Variants in CDC42BPA observed in about 807,000 individuals in gnomAD.
CDC42BPA encodes the protein serine/threonine-protein kinase MRCK alpha.
Under a neutral mutation model 223.5 loss-of-function variants are expected in CDC42BPA, and 80 were observed. That is an observed-to-expected ratio of 0.36 (90% CI 0.30 to 0.43). The LOEUF is 0.43. Ranked by LOEUF, CDC42BPA falls within the 20% of genes least tolerant of loss-of-function variation. CDC42BPA has a pLI of 1.00. For missense variants in CDC42BPA, 1,743 were observed against 2,099.9 expected (o/e 0.83, Z 3.32); for synonymous variants, 694 against 718.6 (o/e 0.97, Z 0.55).
At chr1:227,233,503 A>T (rs1045052324) in intron 2 of CDC42BPA, among the ~76,000 whole-genome samples, 1 of 152,212 alleles carries the variant, frequency 6.6e-6, no homozygotes, top group East Asian at 1.9e-4. Context: ...CAAGTTAAGG[A>T]TATTCCCCTT....
chr1:227,164,649 G>A (rs1050888568), intron 5 of CDC42BPA, among the ~76,000 whole-genome samples: 2 of 152,196 alleles, frequency 1.3e-5, no homozygotes, highest in Non-Finnish European at 2.9e-5. Context: ...CTAGGTGAGA[G>A]CAAGACTCCT....
chr1:227,228,770 A>G (rs73094390), intron 2 of CDC42BPA, among the ~76,000 whole-genome samples: 4,538 of 152,156 alleles, frequency 0.03, 199 homozygotes, highest in African/African-American at 0.1. Context: ...GCATTTCTCT[A>G]ATGACCAGTG....
chr1:227,222,900 A>G (rs1291838455), intron 2 of CDC42BPA, among the ~76,000 whole-genome samples: 1 of 152,208 alleles, frequency 6.6e-6, no homozygotes, highest in Non-Finnish European at 1.5e-5. Context: ...AGGTTGGACC[A>G]ATAACAAGGG....
intron 17 of CDC42BPA, among the ~76,000 whole-genome samples, chr1:227,075,121 G>A (rs1236194122): frequency 2.0e-5 from 3 of 152,076 alleles, no homozygotes; most frequent in Non-Finnish European, 4.4e-5. Flanking sequence ...TTCTCAGGAA[G>A]AATGAAAACC....
chr1:227,183,246 G>C (rs915378070), intron 5 of CDC42BPA: 7 of 152,056 alleles, frequency 4.6e-5, no homozygotes, highest in African/African-American at 1.7e-4. Context: ...CTTGTGTATA[G>C]ATTCATGTAA....
chr1:227,136,232 A>G (rs1447070523), intron 10 of CDC42BPA, among the ~76,000 whole-genome samples: 4 of 152,208 alleles, frequency 2.6e-5, no homozygotes, highest in African/African-American at 4.8e-5. Context: ...TTAACTAAAA[A>G]AGACAATATC....
At chr1:227,087,761 T>C (rs1404147358) in intron 16 of CDC42BPA, among the ~76,000 whole-genome samples, 1 of 152,228 alleles carries the variant, frequency 6.6e-6, no homozygotes, top group Non-Finnish European at 1.5e-5. Flanking sequence ...TCTGAAATGA[T>C]TGTTTTTGAC....
intron 11 of CDC42BPA, among the ~76,000 whole-genome samples, chr1:227,126,198 T>C (rs1689550610): frequency 6.6e-6 from 1 of 152,136 alleles, no homozygotes; most frequent in African/African-American, 2.4e-5. Context: ...CTGCTCAAAG[T>C]TCTCTGTCTG....
At chr1:227,194,763 T>G (rs1558728628) in intron 4 of CDC42BPA, among the ~76,000 whole-genome samples, 1 of 152,278 alleles carries the variant, frequency 6.6e-6, no homozygotes, top group East Asian at 1.9e-4. Context: ...AAACTAGACA[T>G]AGTGGAAAAA....
chr1:227,078,987 A>G (rs1168949746), intron 17 of CDC42BPA, among the ~76,000 whole-genome samples: 1 of 152,120 alleles, frequency 6.6e-6, no homozygotes, highest in African/African-American at 2.4e-5. Flanking sequence ...TTCCGGTCCC[A>G]AGCATTTTGA....
At chr1:227,223,268 T>G (rs2718223) in intron 2 of CDC42BPA, among the ~76,000 whole-genome samples, 126,999 of 152,100 alleles carry the variant, frequency 0.83, 53,181 homozygotes, top group African/African-American at 0.89. Context: ...CAGGAAATAT[T>G]TGTGGGGGAG....
At chr1:227,079,931 AAC>A (rs1283806499) in intron 17 of CDC42BPA, among the ~76,000 whole-genome samples, 18 of 139,804 alleles carry the variant, frequency 1.3e-4, no homozygotes, top group Admixed American at 1.2e-3. Context: ...CCCAAGACAA[AAC>A]ACAAAATTTG....
chr1:227,282,188 CAA>C (rs10715170), intron 1 of CDC42BPA, among the ~76,000 whole-genome samples: 12,476 of 105,666 alleles, frequency 0.12, 773 homozygotes, highest in East Asian at 0.37. Context: ...AACTCCGTCT[CAA>C]AAAAAAAAAA....
chr1:227,155,701 G>C (rs547092815), intron 6 of CDC42BPA, among the ~76,000 whole-genome samples: 1 of 152,234 alleles, frequency 6.6e-6, no homozygotes, highest in East Asian at 1.9e-4. Context: ...GAGCAAAGTG[G>C]TCACTTACAC....
Position 227,064,757 on chromosome 1 carries a change from T to C in CDC42BPA, c.2904+5020A>G, listed in dbSNP as rs1323206685. Among the ~76,000 whole-genome samples, 13 of 152,270 alleles carry C rather than the reference T, an allele frequency of 8.5e-5. No homozygotes were observed. In the East Asian group the frequency reaches 2.5e-3, roughly 29 times the overall value. ...TCTTAATAGGTTGAATGGAAATGCC[T>C]TTCTCAAGAGACCACTTATCAAAGT... On this transcript the variant is annotated intron_variant, in intron 21 of 36. Coordinates refer to ENST00000366766, the MANE Select transcript of CDC42BPA (RefSeq NM_001394014.1).
chr1:227,304,182 G>GC (rs1210181030), intron 1 of CDC42BPA, among the ~76,000 whole-genome samples: 1 of 152,078 alleles, frequency 6.6e-6, no homozygotes, highest in African/African-American at 2.4e-5. Flanking sequence ...CGAGGTGGGC[G>GC]CATCACTTGA....
intron 21 of CDC42BPA, among the ~76,000 whole-genome samples, chr1:227,066,161 C>T (rs1231612375): frequency 2.0e-5 from 3 of 152,042 alleles, no homozygotes; most frequent in Admixed American, 1.3e-4. Flanking sequence ...GAGGTTGAGA[C>T]GGGCGGATCA....
intron 10 of CDC42BPA, among the ~76,000 whole-genome samples, chr1:227,130,034 C>T (rs1558564607): frequency 6.6e-6 from 1 of 152,104 alleles, no homozygotes; most frequent in Non-Finnish European, 1.5e-5. Flanking sequence ...ATTTATCTTG[C>T]ACTTCTAATT....
At chr1:227,225,502 T>G (rs559843262) in intron 2 of CDC42BPA, among the ~76,000 whole-genome samples, 7 of 152,300 alleles carry the variant, frequency 4.6e-5, no homozygotes, top group African/African-American at 1.7e-4. Context: ...TTGCACTTTA[T>G]TGGTGAACAC....
Sources: gnomAD v4.1 joint callset for allele counts (sites outside exome capture counted in the v4.1 genomes callset) on GRCh38, gnomAD v4.1.1 for gene constraint, MANE v1.5 for transcripts, NCBI Gene and HGNC (gene_info 2026-07-23, HGNC 2026-07-21) for gene names.